Variants in PIGU observed in about 807,000 individuals in gnomAD.
The protein encoded by PIGU is GPI-anchor transamidase component PIGU.
In PIGU, 24 loss-of-function variants were observed where a neutral mutation model predicts 49.9. That is an observed-to-expected ratio of 0.48 (90% confidence interval 0.35 to 0.68). The LOEUF is 0.68. PIGU is among the 30% of genes least tolerant of loss of function. The pLI, the probability that PIGU is intolerant of heterozygous loss-of-function variation, is 0.01. For missense variants in PIGU, 490 were observed against 532.6 expected (o/e 0.92, Z 0.79); for synonymous variants, 220 against 205.7 (o/e 1.07, Z -0.59).
chr20:34,661,245 T>A (rs1986918072), intron 1 of PIGU, among the ~76,000 whole-genome samples: 1 of 152,160 alleles, frequency 6.6e-6, no homozygotes, highest in South Asian at 2.1e-4. Flanking sequence ...GGGGTACATG[T>A]CCAGGTTTGT....
chr20:34,625,642 C>T (rs1425310392), intron 6 of PIGU, among the ~76,000 whole-genome samples: 1 of 136,766 alleles, frequency 7.3e-6, no homozygotes, highest in Admixed American at 8.0e-5. Context: ...ATGGTCTTTA[C>T]AAAAAACCTT....
intron 6 of PIGU, among the ~76,000 whole-genome samples, chr20:34,622,784 G>A (rs1299886224): frequency 6.6e-6 from 1 of 152,174 alleles, no homozygotes; most frequent in East Asian, 1.9e-4. Context: ...GGGCAGCCCA[G>A]ATGCACAGGC....
chr20:34,675,827 T>C (rs952627677), intron 1 of PIGU, among the ~76,000 whole-genome samples: 8 of 151,990 alleles, frequency 5.3e-5, no homozygotes, highest in Non-Finnish European at 1.0e-4. Context: ...CTGGGCAACA[T>C]AGAAAGACCC....
intron 1 of PIGU, among the ~76,000 whole-genome samples, chr20:34,672,002 G>T (rs766710557): frequency 1.3e-5 from 2 of 151,944 alleles, no homozygotes; most frequent in Non-Finnish European, 2.9e-5. Flanking sequence ...GCACGATCTC[G>T]GCTCACTGCA....
chr20:34,637,202 G>A (rs1985995504), intron 5 of PIGU, among the ~76,000 whole-genome samples: 1 of 152,158 alleles, frequency 6.6e-6, no homozygotes, highest in South Asian at 2.1e-4. Flanking sequence ...AGTTCTAAGG[G>A]CGTGTTTTTC....
At chr20:34,649,801 T>A (rs185748203) in intron 2 of PIGU, among the ~76,000 whole-genome samples, 1 of 150,656 alleles carries the variant, frequency 6.6e-6, no homozygotes, top group Non-Finnish European at 1.5e-5. Context: ...TCCCAAAGTG[T>A]TGGTATTACA....
chr20:34,590,391 T>C (rs901988717), intron 7 of PIGU, among the ~76,000 whole-genome samples: 2 of 151,772 alleles, frequency 1.3e-5, no homozygotes, highest in Non-Finnish European at 2.9e-5. Context: ...ACCCCATCTC[T>C]AATGAAAATA....
At chr20:34,618,294 G>A (rs1477957308) in intron 6 of PIGU, among the ~76,000 whole-genome samples, 1 of 152,120 alleles carries the variant, frequency 6.6e-6, no homozygotes, top group African/African-American at 2.4e-5. Context: ...CCTTTCAGAT[G>A]GCTTAAGACA....
chr20:34,672,986 G>A (rs1987359630), intron 1 of PIGU, among the ~76,000 whole-genome samples: 2 of 152,054 alleles, frequency 1.3e-5, no homozygotes, highest in South Asian at 4.1e-4. Context: ...CCGGCGTGGT[G>A]GCTCACGCCT....
chr20:34,648,591 C>T (rs1204000137), intron 2 of PIGU, among the ~76,000 whole-genome samples: 1 of 152,062 alleles, frequency 6.6e-6, no homozygotes, highest in East Asian at 1.9e-4. Context: ...CTCTGTCGGC[C>T]AGGCAGGAGT....
At chr20:34,590,546 C>T (rs1449391574) in intron 7 of PIGU, among the ~76,000 whole-genome samples, 2 of 151,286 alleles carry the variant, frequency 1.3e-5, no homozygotes, top group Admixed American at 6.6e-5. Context: ...GGCAACAGAG[C>T]GAGACTCTGT....
At chr20:34,673,996 T>A (rs537611174) in intron 1 of PIGU, among the ~76,000 whole-genome samples, 1 of 152,066 alleles carries the variant, frequency 6.6e-6, no homozygotes, top group East Asian at 1.9e-4. Flanking sequence ...GAGGTTGCAG[T>A]GAGCCAAGAT....
chr20:34,676,189 C>T (rs1157183199), intron 1 of PIGU, among the ~76,000 whole-genome samples: 1 of 152,044 alleles, frequency 6.6e-6, no homozygotes, highest in Non-Finnish European at 1.5e-5. Context: ...CTCTAATCTC[C>T]CTTTCAAAAC....
intron 2 of PIGU, among the ~76,000 whole-genome samples, chr20:34,649,734 C>T (rs1379625050): frequency 2.0e-5 from 3 of 151,992 alleles, no homozygotes; most frequent in Non-Finnish European, 4.4e-5. Context: ...AGGGTTTCAC[C>T]ATGTTGGCTA....
At chr20:34,568,639 C>G (rs1199642761) in intron 11 of PIGU, among the ~76,000 whole-genome samples, 1 of 152,180 alleles carries the variant, frequency 6.6e-6, no homozygotes, top group Admixed American at 6.5e-5. Context: ...AATGACACAC[C>G]AGGCCAACTG....
chr20:34,634,560 C>A (rs1985896894), intron 6 of PIGU, 55 bp downstream of exon 6: 1 of 1,523,126 alleles, frequency 6.6e-7, no homozygotes, highest in Non-Finnish European at 8.8e-7. Context: ...ACAAGTGTTG[C>A]AAAATCTTGC....
intron 1 of PIGU, among the ~76,000 whole-genome samples, chr20:34,675,685 G>A (rs903885580): frequency 6.6e-6 from 1 of 152,046 alleles, no homozygotes; most frequent in Admixed American, 6.6e-5. Context: ...TCATTATGCC[G>A]TTCCCCATAC....
chr20:34,652,193 CAG>C, intron 2 of PIGU, among the ~76,000 whole-genome samples: 1 of 152,180 alleles, frequency 6.6e-6, no homozygotes, highest in Middle Eastern at 3.4e-3. Flanking sequence ...GGGGGAGAAA[CAG>C]AGTCTCACTA....
chr20:34,606,884 C>T (rs1033893905), intron 7 of PIGU, among the ~76,000 whole-genome samples: 3 of 152,164 alleles, frequency 2.0e-5, no homozygotes, highest in Admixed American at 6.5e-5. Context: ...CCTCAGCCTC[C>T]TGAGTAGCTG....
Sources: allele counts gnomAD v4.1 joint callset (sites outside exome capture counted in the v4.1 genomes callset), GRCh38; gene constraint gnomAD v4.1.1; transcripts MANE v1.5; gene names NCBI Gene and HGNC (gene_info 2026-07-23, HGNC 2026-07-21).